TAF1D: variants seen among roughly 807,000 people sequenced by gnomAD.
TAF1D encodes TATA box-binding protein-associated factor RNA polymerase I subunit D.
In TAF1D, 23 loss-of-function variants were observed where a neutral mutation model predicts 26.2. The ratio of observed to expected loss-of-function variants is 0.88; its 90% CI spans 0.63 to 1.25. The LOEUF (loss-of-function observed/expected upper bound fraction) is 1.25, where lower values mean the gene tolerates loss of function less well. TAF1D is among the 50% of genes most tolerant of loss of function. The pLI, the probability that TAF1D is intolerant of heterozygous loss-of-function variation, is 0.00. For synonymous variants in TAF1D, 100 were observed against 105.6 expected (o/e 0.95, Z 0.33); for missense variants, 299 against 322.0 (o/e 0.93, Z 0.55).
intron 1 of TAF1D, among the ~76,000 whole-genome samples, chr11:93,739,555 G>T (rs2135522202): frequency 6.6e-6 from 1 of 152,230 alleles, no homozygotes; most frequent in East Asian, 1.9e-4. Context: ...AACGCAACAA[G>T]ATTCCAAAAA....
chr11:93,730,395 C>T (rs1460512964), exon 12 of TAF1D: 1 of 830,376 alleles, frequency 1.2e-6, no homozygotes, highest in African/African-American at 1.7e-5. Flanking sequence ...CCATCAAGGT[C>T]ACTTTAGATC....
At chr11:93,738,631 G>T in intron 2 of TAF1D, 132 bp from the exon 3 acceptor site, 1 of 893,146 alleles carries the variant, frequency 1.1e-6, no homozygotes, top group Non-Finnish European at 1.6e-6. Flanking sequence ...ATTTTTTAAA[G>T]GATGGGCTCA....
downstream of TAF1D, chr11:93,734,624 C>T: frequency 1.3e-6 from 1 of 798,200 alleles, no homozygotes; most frequent in Non-Finnish European, 1.8e-6. Flanking sequence ...TTGAGACATA[C>T]CTTTAACTCC....
chr11:93,730,970 C>T (rs745807798), downstream of TAF1D: 16 of 504,084 alleles, frequency 3.2e-5, no homozygotes, highest in South Asian at 2.2e-4. Context: ...ATTTCTATTA[C>T]AGTTAATCAA....
rs1565248471 is a variant in TAF1D at position 93,741,356 on chromosome 11, T to G, written c.-62A>C. ...CCTCGCAGTGGCCCCAACCGCGCAC[T>G]TGCTGCTTGTAACCCAGGCCTCGGC... On this transcript the variant is annotated 5_prime_UTR_variant, in exon 1 of 6. Transcript: ENST00000448108. 1 of 455,736 alleles carries G rather than the reference T, an allele frequency of 2.2e-6. No homozygotes were observed. The highest frequency in any genetic ancestry group is 4.4e-6 in the Non-Finnish European group (1 of 226,880). 28.2% of individuals were successfully genotyped at this position (455,736 alleles called of 1,614,324 possible). A position where few individuals can be genotyped will look rare whatever the true frequency, so the allele number is the denominator to read the frequency against.
In TAF1D at chr11:93,741,471, T is replaced by C; in HGVS notation, c.-177A>G. The C allele has an allele frequency of 2.2e-6, 1 of 456,100 alleles. No homozygotes were observed. The highest frequency in any genetic ancestry group is 1.5e-5 in the South Asian group (1 of 64,562). 28.3% of individuals were successfully genotyped at this position (456,100 alleles called of 1,614,324 possible). ...TCCAACTCCCGATAACCAGCCGACC[T>C]CCTCCAACCGTGCGGAAGAAAAGGG... On this transcript the variant is annotated 5_prime_UTR_variant, in exon 1 of 6. Coordinates refer to ENST00000448108, the MANE Select transcript of TAF1D (RefSeq NM_024116.4).
chr11:93,735,363 C>T, downstream of TAF1D: 1 of 1,078,138 alleles, frequency 9.3e-7, no homozygotes. Context: ...TTTTCTTGAA[C>T]TAATAAAAAG....
At position 93,738,463 on chromosome 11, in the gene TAF1D, C is replaced by T; in HGVS notation, c.105G>A (p.Gln35=). The change falls in exon 3 of 6, where the codon CAG becomes CAA. Residue 35 remains glutamine (Q), a synonymous_variant. Transcript: ENST00000448108. ...CCCCTTTAGGTGAGTAAGGGATACA[C>T]TGAGTTTTAAATAAGCTGCTATCAG... ...NSSDSSLFKT[Q]CIPYSPKGEK... The T allele has an allele frequency of 6.3e-7, 1 of 1,584,830 alleles. No homozygotes were observed. Among genetic ancestry groups the T allele is most frequent in the Non-Finnish European group, 8.5e-7 (1 of 1,171,122 alleles).
chr11:93,738,119 A>G lies in TAF1D; in HGVS notation c.449T>C (p.Leu150Ser). The stretch of plus-strand genomic sequence containing the variant: ...AAAATGCTGACTCACCTCAAACGTT[A>G]AAATTTTTCTCCAAGGTGCGTTTTT... ...NEKNAPWRKI[L>S]TFEQAVARGF... Residue 150 changes from leucine (L) to serine (S), a missense_variant, in exon 3 of 6, where the codon TTA (leucine) becomes TCA (serine). Coordinates refer to ENST00000448108, the MANE Select transcript of TAF1D (RefSeq NM_024116.4). 2 of 1,558,306 alleles carry G rather than the reference A, an allele frequency of 1.3e-6. No individual in the cohort carries two copies. Among genetic ancestry groups the G allele is most frequent in the Non-Finnish European group, 1.7e-6 (2 of 1,161,252 alleles).
chr11:93,740,263 G>C (rs1337205244), intron 1 of TAF1D, among the ~76,000 whole-genome samples: 1 of 151,640 alleles, frequency 6.6e-6, no homozygotes, highest in Non-Finnish European at 1.5e-5. Flanking sequence ...AGCAACACAA[G>C]GAGACCCTTG....
At chr11:93,739,615 A>G (rs1941392742) in intron 1 of TAF1D, among the ~76,000 whole-genome samples, 1 of 152,218 alleles carries the variant, frequency 6.6e-6, no homozygotes, top group Non-Finnish European at 1.5e-5. Flanking sequence ...TAAAAAATGT[A>G]GTTTTATCAT....
chr11:93,730,726 G>C (rs1039303005), downstream of TAF1D: 2 of 488,914 alleles, frequency 4.1e-6, no homozygotes, highest in African/African-American at 4.0e-5. Context: ...CATAACAATA[G>C]TATAAAAGTA....
chr11:93,731,018 T>C (rs763260632), downstream of TAF1D: 8 of 519,032 alleles, frequency 1.5e-5, no homozygotes, highest in South Asian at 4.2e-5. Flanking sequence ...AAGTAGCAGA[T>C]AGAAAACCTA....
intron 1 of TAF1D, among the ~76,000 whole-genome samples, chr11:93,740,689 A>G (rs1430406112): frequency 3.3e-5 from 5 of 152,174 alleles, no homozygotes. Context: ...AGGTCTTACT[A>G]GTTTTTTTAA....
At chr11:93,730,816 C>A, downstream of TAF1D, 1 of 402,456 alleles carries the variant, frequency 2.5e-6, no homozygotes, top group Non-Finnish European at 4.9e-6. Context: ...AACTCTACTA[C>A]AAACTGCTTG....
chr11:93,738,511 G>T lies in TAF1D; in HGVS notation c.69-12C>A. ...CAGAAGAGTTATCACTAGAAAAATG[G>T]GAAAAAAATTAATTTCATCTTCTTT... is the stretch of plus-strand genomic sequence containing the variant. On this transcript the variant is annotated splice_polypyrimidine_tract_variant and intron_variant, in intron 2 of 5. Coordinates refer to ENST00000448108, the MANE Select transcript of TAF1D (RefSeq NM_024116.4). 6.5e-7 allele frequency: 1 copy of T among 1,540,706 alleles called. No individual in the cohort carries two copies. The highest frequency in any genetic ancestry group is 2.3e-5 in the East Asian group (1 of 43,592).
At chr11:93,736,594 A>C (rs763882327) in intron 5 of TAF1D, 100 bp downstream of exon 5, 2 of 1,497,806 alleles carry the variant, frequency 1.3e-6, no homozygotes, top group Non-Finnish European at 1.8e-6. Context: ...AGCTTTTCAA[A>C]AGTTAAATGA....
chr11:93,731,132 A>G (rs778630719), downstream of TAF1D: 23 of 491,902 alleles, frequency 4.7e-5, no homozygotes, highest in Admixed American at 5.1e-4. Flanking sequence ...TATAGTTAAG[A>G]TAAAAACCAT....
downstream of TAF1D, chr11:93,734,596 A>G (rs1450932177): frequency 5.4e-6 from 3 of 558,124 alleles, no homozygotes; most frequent in South Asian, 1.5e-5. Flanking sequence ...ATAAACAAAT[A>G]TGATGTGAAA....
Sources: gnomAD v4.1 joint callset for allele counts (sites outside exome capture counted in the v4.1 genomes callset) on GRCh38, gnomAD v4.1.1 for gene constraint, MANE v1.5 for transcripts, NCBI Gene and HGNC (gene_info 2026-07-23, HGNC 2026-07-21) for gene names.